ADGRL2: variants seen among roughly 807,000 people sequenced by gnomAD.
ADGRL2 encodes adhesion G protein-coupled receptor L2.
ADGRL2 carries 44 observed loss-of-function variants against 157.4 expected under a neutral mutation model. The observed-to-expected ratio is 0.28, with a 90% CI of 0.22 to 0.36. The LOEUF is 0.36. Among genes scored for constraint, ADGRL2 ranks in the 10% least tolerant of loss-of-function variants. The probability of loss-of-function intolerance (pLI) is 1.00; values close to 1 mark genes in which losing one functional copy is unlikely to be tolerated. For missense variants in ADGRL2, 1,510 were observed against 1,768.9 expected, an observed-to-expected ratio of 0.85 and a Z score of 2.63; for synonymous variants, 585 against 624.7, an observed-to-expected ratio of 0.94 and a Z score of 0.95.
At chr1:81,601,806 T>C (rs1477407470) in intron 3 of ADGRL2, among the ~76,000 whole-genome samples, 1 of 152,210 alleles carries the variant, frequency 6.6e-6, no homozygotes, top group Non-Finnish European at 1.5e-5. Context: ...AATTCCTCTC[T>C]GCCCCACCTA....
chr1:81,847,517 C>T (rs2092838152), intron 2 of ADGRL2, among the ~76,000 whole-genome samples: 1 of 150,038 alleles, frequency 6.7e-6, no homozygotes, highest in African/African-American at 2.4e-5. Flanking sequence ...GAAATAACAT[C>T]ACTTTCAGTT....
At chr1:81,820,504 G>T (rs1035732841) in intron 1 of ADGRL2, among the ~76,000 whole-genome samples, 20 of 151,840 alleles carry the variant, frequency 1.3e-4, no homozygotes, top group African/African-American at 4.6e-4. Flanking sequence ...TATTTAAGTG[G>T]CCCTTTTGGT....
At chr1:81,810,518 T>C (rs1433696550) in intron 1 of ADGRL2, among the ~76,000 whole-genome samples, 1 of 151,978 alleles carries the variant, frequency 6.6e-6, no homozygotes, top group Non-Finnish European at 1.5e-5. Flanking sequence ...ACATTTCTTA[T>C]GTACCATTTT....
chr1:81,747,184 T>A (rs1359401120), intron 1 of ADGRL2, among the ~76,000 whole-genome samples: 1 of 145,172 alleles, frequency 6.9e-6, no homozygotes, highest in Non-Finnish European at 1.5e-5. Flanking sequence ...TACATATATG[T>A]ATGTGTGTAT....
intron 1 of ADGRL2, among the ~76,000 whole-genome samples, chr1:81,336,253 C>T (rs1023574634): frequency 6.6e-6 from 1 of 152,178 alleles, no homozygotes; most frequent in African/African-American, 2.4e-5. Flanking sequence ...TATAATAATG[C>T]TTCTTTTTCT....
chr1:81,325,391 T>C (rs1391338430), intron 1 of ADGRL2, among the ~76,000 whole-genome samples: 1 of 152,184 alleles, frequency 6.6e-6, no homozygotes, highest in Non-Finnish European at 1.5e-5. Context: ...CACTATTGTG[T>C]TGAATTTCAG....
At chr1:81,727,635 G>T (rs558574336) in intron 1 of ADGRL2, among the ~76,000 whole-genome samples, 4 of 152,134 alleles carry the variant, frequency 2.6e-5, no homozygotes, top group African/African-American at 9.6e-5. Flanking sequence ...GTTTCACCAG[G>T]TTGGCCAGGA....
chr1:81,709,172 G>T (rs1316050212), intron 1 of ADGRL2, among the ~76,000 whole-genome samples: 1 of 152,214 alleles, frequency 6.6e-6, no homozygotes, highest in East Asian at 1.9e-4. Flanking sequence ...TTATTTCAGA[G>T]AAGTCATTAG....
chr1:81,439,968 G>T (rs1182393029), intron 1 of ADGRL2, among the ~76,000 whole-genome samples: 1 of 152,236 alleles, frequency 6.6e-6, no homozygotes, highest in Non-Finnish European at 1.5e-5. Context: ...CCCAAAGTCA[G>T]GCTGTCTCCT....
intron 4 of ADGRL2, among the ~76,000 whole-genome samples, chr1:81,937,539 C>A (rs572644777): frequency 6.6e-6 from 1 of 151,738 alleles, no homozygotes; most frequent in Non-Finnish European, 1.5e-5. Context: ...AAATTGTATT[C>A]TATACTTTCA....
rs111702828 is a variant in ADGRL2, at chr1:81,650,827, A to G, written c.-143+69847A>G. Among the ~76,000 whole-genome samples the G allele has an allele frequency of 3.5e-3, 531 of 152,234 alleles. 2 individuals carry two copies. Among genetic ancestry groups the G allele is most frequent in the Middle Eastern group, 0.017 (5 of 294 alleles). Reference sequence around the variant, plus strand: ...AATCCTACTTGAACTTTTGTACCCCATCTTCCAGACATTTGCAAGTCTTTT... The same window carrying G: ...AATCCTACTTGAACTTTTGTACCCCGTCTTCCAGACATTTGCAAGTCTTTT... On this transcript the variant is annotated intron_variant, in intron 3 of 24. Transcript: ENST00000370721.
At chr1:81,853,192 G>C (rs984812816) in intron 2 of ADGRL2, among the ~76,000 whole-genome samples, 6 of 152,308 alleles carry the variant, frequency 3.9e-5, no homozygotes, top group Middle Eastern at 3.4e-3. Flanking sequence ...ACATCTAGCA[G>C]TTCCCTTCAC....
At chr1:81,802,449 T>A (rs1389919666) in intron 1 of ADGRL2, among the ~76,000 whole-genome samples, 2 of 152,028 alleles carry the variant, frequency 1.3e-5, no homozygotes, top group African/African-American at 4.8e-5. Flanking sequence ...CGCAGAACTC[T>A]CAGTCCGGTC....
chr1:81,560,851 A>T (rs1385555319), intron 2 of ADGRL2, among the ~76,000 whole-genome samples: 1 of 152,142 alleles, frequency 6.6e-6, no homozygotes, highest in Non-Finnish European at 1.5e-5. Flanking sequence ...GGTCCTCCAG[A>T]CACATTCTTC....
rs113979065 is a variant in ADGRL2 at position 81,734,075 on chromosome 1, G to A, written c.-142-27736G>A. The stretch of plus-strand genomic sequence containing the variant: ...ATGAATCACCTGAGGTCGGGAGTTC[G>A]AGACCAGACTAACCAACATGGAGAA... On this transcript the variant is annotated intron_variant, in intron 1 of 20. Coordinates refer to the ADGRL2 transcript ENST00000359929. 3.4e-3 allele frequency among the ~76,000 whole-genome samples: 509 copies of A among 151,618 alleles called. 4 individuals are homozygous for A. Among genetic ancestry groups the A allele is most frequent in the African/African-American group, 0.011 (461 of 41,300 alleles).
intron 3 of ADGRL2, among the ~76,000 whole-genome samples, chr1:81,673,695 T>C (rs890892082): frequency 6.6e-6 from 1 of 151,966 alleles, no homozygotes; most frequent in African/African-American, 2.4e-5. Flanking sequence ...TTTTGTATTT[T>C]TTTAGTAGAG....
At chr1:81,652,203 T>G (rs1443257700) in intron 3 of ADGRL2, among the ~76,000 whole-genome samples, 1 of 152,242 alleles carries the variant, frequency 6.6e-6, no homozygotes, top group Non-Finnish European at 1.5e-5. Flanking sequence ...AAAAGCTACC[T>G]TGTTTCAATT....
In ADGRL2 at chr1:81,943,411, A is replaced by G. The variant is rs1481111899; in HGVS notation, c.852A>G (p.Glu284=). The change falls in exon 6 of 24, where the codon GAA becomes GAG. Residue 284 remains glutamate, a synonymous_variant. Transcript: ENST00000686636. This position sits in a 1 kb window ranked among gnomAD's most constrained non-coding sequence, Gnocchi z 5.6. ...GTTTATGGGTCATTTACGCCACTGAACAGAACAATGGAATGATAGTTATTA... is the reference window on the plus strand; with the variant it reads ...GTTTATGGGTCATTTACGCCACTGAGCAGAACAATGGAATGATAGTTATTA... ...ENGLWVIYAT[E]QNNGMIVISQ... is the part of the protein sequence containing the mutation. 1 of 1,613,750 alleles carries G rather than the reference A, an allele frequency of 6.2e-7. No individual in the cohort carries two copies.
At chr1:81,451,254 T>C (rs1453285594) in intron 2 of ADGRL2, among the ~76,000 whole-genome samples, 1 of 152,178 alleles carries the variant, frequency 6.6e-6, no homozygotes, top group Non-Finnish European at 1.5e-5. Context: ...CTACCGTCCT[T>C]CTATGGAAAT....
Sources: allele counts gnomAD v4.1 joint callset (sites outside exome capture counted in the v4.1 genomes callset), GRCh38; gene constraint gnomAD v4.1.1; non-coding constraint Gnocchi (gnomAD v3.1); transcripts MANE v1.5; gene names NCBI Gene and HGNC (gene_info 2026-07-23, HGNC 2026-07-21).